The following KRT72 variants were observed in gnomAD, a reference collection of about 807,000 sequenced individuals.
KRT72 encodes keratin 72, also known as keratin, type II cytoskeletal 72.
In KRT72, 44 loss-of-function variants were observed where a neutral mutation model predicts 44.7. The ratio of observed to expected loss-of-function variants is 0.98; its 90% CI spans 0.77 to 1.27. KRT72 has a LOEUF of 1.27. Ranked by LOEUF, KRT72 falls within the 50% of genes most tolerant of loss-of-function variation. The pLI is 0.00. For missense variants in KRT72, 736 were observed against 667.1 expected (o/e 1.10, Z -1.14); for synonymous variants, 302 against 280.4 (o/e 1.08, Z -0.77).
chr12:52,589,906 G>A (rs1269938970), intron 6 of KRT72, among the ~76,000 whole-genome samples: 3 of 152,128 alleles, frequency 2.0e-5, no homozygotes, highest in Admixed American at 2.0e-4. Flanking sequence ...CACTTATATA[G>A]CTCTTGATTA....
rs371238747 is a variant in KRT72, at chr12:52,592,892, C to T, written c.702G>A (p.Lys234=). The change falls in exon 3 of 9, where the codon AAG becomes AAA. Residue 234 remains lysine, a splice_region_variant and synonymous_variant. Coordinates refer to ENST00000293745, the MANE Select transcript of KRT72 (RefSeq NM_080747.3). ...AAENEFVVLK[K]DVDAAYMNKV... is the part of the protein sequence containing the mutation. ...CCAGCCCACCTGGCACCCCTCTTAC[C>T]TTCTTGAGCACCACAAACTCATTCT... 6.2e-6 allele frequency: 10 copies of T among 1,613,650 alleles called. No individual in the cohort carries two copies. The highest frequency in any genetic ancestry group is 1.1e-5 in the South Asian group (1 of 91,032).
intron 5 of KRT72, 82 bp downstream of exon 5, chr12:52,591,372 ACAAACACACG>A (rs977402670): frequency 2.2e-6 from 3 of 1,385,768 alleles, no homozygotes; most frequent in Admixed American, 3.9e-5. Flanking sequence ...ACACACACAC[ACAAACACACG>A]CACACACACG....
chr12:52,601,129 G>A lies in KRT72; in HGVS notation c.324C>T (p.Ala108=). 6.2e-7 allele frequency: 1 copy of A among 1,613,576 alleles called. No individual in the cohort carries two copies. Among genetic ancestry groups the A allele is most frequent in the Non-Finnish European group, 8.5e-7 (1 of 1,179,786 alleles). ...PQVTVNKSLL[A]PLNVEMDPEI... Reference sequence around the variant, plus strand: ...CGGGGTCCATCTCCACGTTGAGCGGGGCCAGGAGGCTCTTGTTGACGGTGA... The same window carrying A: ...CGGGGTCCATCTCCACGTTGAGCGGAGCCAGGAGGCTCTTGTTGACGGTGA... The change falls in exon 1 of 9, where the codon GCC becomes GCT. Residue 108 remains alanine (A), a synonymous_variant. Transcript: ENST00000293745.
At chr12:52,596,262 C>A (rs12822038) in intron 2 of KRT72, among the ~76,000 whole-genome samples, 52,576 of 151,866 alleles carry the variant, frequency 0.35, 9,767 homozygotes, top group East Asian at 0.59. Flanking sequence ...AAATCTACTT[C>A]TATAATTAAA....
At chr12:52,591,395 C>A (rs1268811029) in intron 5 of KRT72, 69 bp downstream of exon 5, 3 of 1,492,552 alleles carry the variant, frequency 2.0e-6, no homozygotes, top group Non-Finnish European at 1.8e-6. Flanking sequence ...CACACACGTA[C>A]ACATGCACAC....
intron 7 of KRT72, among the ~76,000 whole-genome samples, 191 bp from the exon 8 acceptor site, chr12:52,587,171 AG>A (rs1456067245): frequency 1.3e-5 from 2 of 151,972 alleles, no homozygotes; most frequent in East Asian, 3.9e-4. Flanking sequence ...ATCTGCTGCA[AG>A]GAGTCAGCCC....
chr12:52,597,476 T>A (rs998808277), intron 2 of KRT72, among the ~76,000 whole-genome samples: 2 of 152,226 alleles, frequency 1.3e-5, no homozygotes, highest in Admixed American at 1.3e-4. Context: ...AAAATACTCC[T>A]AGTAAATGCA....
At chr12:52,586,626 G>A (rs1939759515) in intron 8 of KRT72, among the ~76,000 whole-genome samples, 1 of 151,980 alleles carries the variant, frequency 6.6e-6, no homozygotes, top group Admixed American at 6.5e-5. Context: ...AACCCTTCAG[G>A]CCCCTCAATT....
chr12:52,592,722 C>A (rs1252320373), intron 3 of KRT72, among the ~76,000 whole-genome samples, 170 bp downstream of exon 3: 1 of 152,210 alleles, frequency 6.6e-6, no homozygotes, highest in Admixed American at 6.5e-5. Flanking sequence ...CTAGAAACAG[C>A]ATGCATCCCA....
upstream of KRT72, among the ~76,000 whole-genome samples, chr12:52,602,335 C>T (rs1940503180): frequency 6.6e-6 from 1 of 152,140 alleles, no homozygotes; most frequent in South Asian, 2.1e-4. Context: ...CATTTGCCAC[C>T]CAGTCATTTC....
intron 7 of KRT72, 104 bp from the exon 8 acceptor site, chr12:52,587,084 C>T: frequency 9.9e-7 from 1 of 1,013,706 alleles, no homozygotes. Context: ...ATGTGCCTTC[C>T]CAAACCCATC....
At chr12:52,602,832 G>A (rs1277056844), upstream of KRT72, among the ~76,000 whole-genome samples, 1 of 152,230 alleles carries the variant, frequency 6.6e-6, no homozygotes, top group Non-Finnish European at 1.5e-5. Context: ...GTAATTGGCT[G>A]ACATAGCCTC....
In KRT72 at chr12:52,587,758, C is replaced by G; in HGVS notation, c.1183G>C (p.Ala395Pro). Residue 395 changes from alanine to proline, a missense_variant, in exon 7 of 9, where the codon GCC (alanine) becomes CCC (proline). Transcript: ENST00000293745. ...AGCTCCTCCTTGGCCTGGTGCAGGG[C>G]GCCCTCCAGCTCATCCAGCTTGGCC... ...ARAKLDELEG[A>P]LHQAKEELAR... 2 of 1,614,184 alleles carry G rather than the reference C, an allele frequency of 1.2e-6. No homozygotes were observed. The highest frequency in any genetic ancestry group is 1.7e-6 in the Non-Finnish European group (2 of 1,180,036).
rs140296252 is a variant in KRT72, at chr12:52,597,428, A to T, written c.641+1470T>A. ...AGAGATGCAAAAACCTGGCATGAGG[A>T]CCCACAGGTGGAAGAGATGGGTGAT... On this transcript the variant is annotated intron_variant, in intron 2 of 8. Coordinates refer to ENST00000293745, the MANE Select transcript of KRT72 (RefSeq NM_080747.3). 1.4e-3 allele frequency among the ~76,000 whole-genome samples: 211 copies of T among 152,292 alleles called. 3 individuals carry two copies. The East Asian group carries it at 0.034, about 24-fold the overall frequency.
At chr12:52,591,098 G>C in intron 5 of KRT72, 137 bp from the exon 6 acceptor site, 2 of 856,248 alleles carry the variant, frequency 2.3e-6, no homozygotes, top group South Asian at 3.0e-5. Context: ...CCTTGGCAGA[G>C]TGTGAATTTC....
chr12:52,595,040 A>G (rs1268970906), intron 2 of KRT72, among the ~76,000 whole-genome samples: 2 of 152,196 alleles, frequency 1.3e-5, no homozygotes, highest in East Asian at 3.8e-4. Flanking sequence ...CTTAATAAAA[A>G]TAAGACATAT....
At chr12:52,602,928 G>T (rs1314983246), upstream of KRT72, among the ~76,000 whole-genome samples, 1 of 152,192 alleles carries the variant, frequency 6.6e-6, no homozygotes, top group East Asian at 1.9e-4. Flanking sequence ...AAGCGCTGGA[G>T]ATGGCACCGA....
intron 1 of KRT72, among the ~76,000 whole-genome samples, chr12:52,600,516 G>T (rs1940392245): frequency 6.6e-6 from 1 of 152,156 alleles, no homozygotes; most frequent in African/African-American, 2.4e-5. Context: ...GGACCCAGGG[G>T]GGAGGTAAAT....
At position 52,592,448 on chromosome 12, in the gene KRT72, T is replaced by G. The variant is rs1329185420; in HGVS notation, c.746A>C (p.Lys249Thr). The G allele has an allele frequency of 6.2e-7, 1 of 1,614,154 alleles. No individual in the cohort carries two copies. The highest frequency in any genetic ancestry group is 8.5e-7 in the Non-Finnish European group (1 of 1,179,990). Residue 249 changes from lysine (K) to threonine (T), a missense_variant, in exon 4 of 9, where the codon AAG becomes ACG. Physicochemically the swap from Lys to Thr is moderately conservative, Grantham distance 78. Transcript: ENST00000293745. The stretch of plus-strand genomic sequence containing the variant: ...AATCTCATCTGTCAAGGAGTCCACC[T>G]TGGCCTGGAGCTCAACCTTATTCAT... ...AYMNKVELQA[K>T]VDSLTDEIKF...
Sources: allele counts gnomAD v4.1 joint callset (sites outside exome capture counted in the v4.1 genomes callset), GRCh38; gene constraint gnomAD v4.1.1; transcripts MANE v1.5; gene names NCBI Gene and HGNC (gene_info 2026-07-23, HGNC 2026-07-21).